The following MTCH2 variants were observed in gnomAD, a reference collection of about 807,000 sequenced individuals.
The protein encoded by MTCH2 is mitochondrial carrier homolog 2.
In MTCH2, 25 loss-of-function variants were observed where a neutral mutation model predicts 50.6. That is an observed-to-expected ratio of 0.49 (90% CI 0.36 to 0.69). MTCH2 has a LOEUF of 0.69. Ranked by LOEUF, MTCH2 falls within the 30% of genes least tolerant of loss-of-function variation. The pLI, the probability that MTCH2 is intolerant of heterozygous loss-of-function variation, is 0.00. For missense variants in MTCH2, 273 were observed against 384.4 expected, an observed-to-expected ratio of 0.71 and a Z score of 2.42; for synonymous variants, 106 against 132.0, an observed-to-expected ratio of 0.80 and a Z score of 1.35.
intron 9 of MTCH2, among the ~76,000 whole-genome samples, chr11:47,628,005 T>G (rs2097299608): frequency 6.6e-6 from 1 of 152,196 alleles, no homozygotes; most frequent in Non-Finnish European, 1.5e-5. Context: ...ACCACATTTA[T>G]AGTATATCTA....
At chr11:47,619,902 C>T (rs758541333) in intron 12 of MTCH2, among the ~76,000 whole-genome samples, 8 of 152,074 alleles carry the variant, frequency 5.3e-5, no homozygotes, top group Non-Finnish European at 1.2e-4. Context: ...CATAGTGAAA[C>T]CCCATCTCTA....
chr11:47,613,780 T>C (rs1174425287), downstream of MTCH2, among the ~76,000 whole-genome samples: 1 of 152,078 alleles, frequency 6.6e-6, no homozygotes, highest in Non-Finnish European at 1.5e-5. Flanking sequence ...TTTCCTCAGA[T>C]GGATGGCTTA....
intron 10 of MTCH2, 48 bp downstream of exon 10, chr11:47,627,016 TAAAAGGAAAACAAAAC>T: frequency 7.7e-7 from 1 of 1,294,846 alleles, no homozygotes; most frequent in East Asian, 2.4e-5. Flanking sequence ...AAGCCAGATT[TAAAAGGAAAACAAAAC>T]AAAACACAAC....
rs202037970 is a variant in MTCH2 at position 47,634,716 on chromosome 11, C to T, written c.325G>A (p.Val109Ile). Residue 109 changes from valine (V) to isoleucine (I), a missense_variant, in exon 5 of 13, where the codon GTA (valine) becomes ATA (isoleucine). Physicochemically the swap from Val to Ile is conservative, Grantham distance 29. Around this residue, in one of 2 missense-constraint regions of MTCH2, gnomAD observed 203 missense variants for 244.3 expected, o/e 0.83. Transcript: ENST00000302503. Reference protein sequence around the residue: ...DKGEELGPGNVQKEVSSSFDH... With the variant: ...DKGEELGPGNIQKEVSSSFDH... ...AAGGAAGATGAGACTTCTTTCTGTA[C>T]ATTTCCAGGTCCTAACTCCTGGAAA... 750 of 1,601,064 alleles carry T rather than the reference C, an allele frequency of 4.7e-4. 4 individuals are homozygous for T. The highest frequency in any genetic ancestry group is 4.3e-3 in the South Asian group (391 of 90,520).
the MTCH2 span, among the ~76,000 whole-genome samples, chr11:47,608,567 G>C: frequency 6.6e-6 from 1 of 152,196 alleles, no homozygotes; most frequent in East Asian, 1.9e-4. Context: ...AACAGACACA[G>C]AGAGCAGCTG....
At chr11:47,635,368 C>G (rs778297779) in intron 4 of MTCH2, among the ~76,000 whole-genome samples, 177 bp downstream of exon 4, 10 of 152,178 alleles carry the variant, frequency 6.6e-5, no homozygotes, top group African/African-American at 2.4e-4. Context: ...AGCCACCATG[C>G]CCAGCCATCC....
At position 47,642,526 on chromosome 11, in the gene MTCH2, T is replaced by A; in HGVS notation, c.-61A>T. The A allele has an allele frequency of 6.8e-7, 1 of 1,479,160 alleles. No homozygotes were observed. The highest frequency in any genetic ancestry group is 1.3e-5 in the South Asian group (1 of 79,166). 91.6% of individuals were successfully genotyped at this position (1,479,160 alleles called of 1,614,324 possible). A position where few individuals can be genotyped will look rare whatever the true frequency, so the allele number is the denominator to read the frequency against. ...GCCACCAAGCGACCCGGTGAGCCGGTCCTAGGTCACGTGCCAGGGCCGCCG... is the reference window on the plus strand; with the variant it reads ...GCCACCAAGCGACCCGGTGAGCCGGACCTAGGTCACGTGCCAGGGCCGCCG... On this transcript the variant is annotated 5_prime_UTR_variant, in exon 1 of 13. Coordinates refer to ENST00000302503, the MANE Select transcript of MTCH2 (RefSeq NM_014342.4).
chr11:47,630,927 C>T (rs899922154), intron 7 of MTCH2, 109 bp downstream of exon 7: 25 of 945,054 alleles, frequency 2.6e-5, no homozygotes, highest in African/African-American at 9.9e-5. Flanking sequence ...ACATCAGATA[C>T]GAATTTGTTC....
At chr11:47,622,424 G>A (rs2097294137) in intron 12 of MTCH2, among the ~76,000 whole-genome samples, 1 of 152,178 alleles carries the variant, frequency 6.6e-6, no homozygotes, top group South Asian at 2.1e-4. Flanking sequence ...GATCGTATTT[G>A]TAAGTTGAAT....
At position 47,629,021 on chromosome 11, in the gene MTCH2, C is replaced by T; in HGVS notation, c.565G>A (p.Asp189Asn). The T allele has an allele frequency of 1.9e-6, 3 of 1,613,876 alleles. No homozygotes were observed. The highest frequency in any genetic ancestry group is 2.5e-6 in the Non-Finnish European group (3 of 1,179,926). Residue 189 changes from aspartate (D) to asparagine (N), a missense_variant, in exon 9 of 13, where the codon GAC becomes AAC. By Grantham distance (23) the Asp-to-Asn change is conservative. Transcript: ENST00000302503. ...TTACACAGCCACAAAGAAAGGATGT[C>T]ACCTAGAAGGCGAGGAACAAGACCC... ...FAGLVPRLLG[D>N]ILSLWLCNSL...
At chr11:47,609,750 C>T in the MTCH2 span, among the ~76,000 whole-genome samples, 2,210 of 152,034 alleles carry the variant, frequency 0.015, 62 homozygotes, top group African/African-American at 0.05. Context: ...CATGGCCATC[C>T]TCTGTACCCT....
intron 3 of MTCH2, among the ~76,000 whole-genome samples, chr11:47,638,004 A>C (rs1216645340): frequency 6.6e-6 from 1 of 152,176 alleles, no homozygotes; most frequent in East Asian, 1.9e-4. Flanking sequence ...TAATTTTCTC[A>C]GCCCTGCATA....
At chr11:47,625,845 A>G (rs945348622) in intron 10 of MTCH2, 104 bp from the exon 11 acceptor site, 1 of 815,414 alleles carries the variant, frequency 1.2e-6, no homozygotes, top group Non-Finnish European at 2.0e-6. Context: ...ACACTCTAAC[A>G]CTTGTCTCGC....
Position 47,619,024 on chromosome 11 carries a change from A to G in MTCH2, c.826-105T>C, listed in dbSNP as rs1024712919. 9.4e-6 allele frequency: 9 copies of G among 953,158 alleles called. No homozygotes were observed. The African/African-American group carries it at 1.3e-4, about 13-fold the overall frequency. 59.0% of individuals were successfully genotyped at this position (953,158 alleles called of 1,614,324 possible). ...ATTGGGAGACGTGACTAAATCTAGG[A>G]CAAAACTGGGACTATCACTACAGAA... is the stretch of plus-strand genomic sequence containing the variant. On this transcript the variant is annotated intron_variant, in intron 12 of 12. Coordinates refer to ENST00000302503, the MANE Select transcript of MTCH2 (RefSeq NM_014342.4).
At chr11:47,614,098 C>T (rs1386557644), downstream of MTCH2, among the ~76,000 whole-genome samples, 4 of 151,320 alleles carry the variant, frequency 2.6e-5, no homozygotes, top group Admixed American at 6.6e-5. Flanking sequence ...AACAAACAAA[C>T]ACAAAAACAC....
At chr11:47,624,539 C>T (rs1399632288) in intron 11 of MTCH2, among the ~76,000 whole-genome samples, 1 of 151,262 alleles carries the variant, frequency 6.6e-6, no homozygotes, top group Non-Finnish European at 1.5e-5. Flanking sequence ...GGTGGCTCAC[C>T]CCTGTAATCC....
chr11:47,611,577 G>A, the MTCH2 span, among the ~76,000 whole-genome samples: 1 of 152,242 alleles, frequency 6.6e-6, no homozygotes, highest in Non-Finnish European at 1.5e-5. Context: ...AGAGGCTGGT[G>A]TTACAAACTT....
At chr11:47,637,629 T>C (rs1348078245) in intron 3 of MTCH2, among the ~76,000 whole-genome samples, 3 of 152,166 alleles carry the variant, frequency 2.0e-5, no homozygotes, top group African/African-American at 4.8e-5. Context: ...AAATTATCAA[T>C]TGAGAGCTCC....
chr11:47,610,250 A>G, the MTCH2 span, among the ~76,000 whole-genome samples: 1 of 152,176 alleles, frequency 6.6e-6, no homozygotes, highest in Non-Finnish European at 1.5e-5. Context: ...ACAGTAAGAG[A>G]TGCAATTCCA....
Sources: allele counts gnomAD v4.1 joint callset (sites outside exome capture counted in the v4.1 genomes callset), GRCh38; gene constraint gnomAD v4.1.1; regional missense constraint gnomAD v4.1.1; transcripts MANE v1.5; gene names NCBI Gene and HGNC (gene_info 2026-07-23, HGNC 2026-07-21).